The following MYT1L variants were observed in gnomAD, a reference collection of about 807,000 sequenced individuals.
The protein encoded by MYT1L is myelin transcription factor 1-like protein.
MYT1L carries 12 observed loss-of-function variants against 126.7 expected under a neutral mutation model. The observed-to-expected ratio is 0.09, with a 90% CI of 0.06 to 0.15. The LOEUF (loss-of-function observed/expected upper bound fraction) is 0.15, where lower values mean the gene tolerates loss of function less well. Ranked by LOEUF, MYT1L falls within the 10% of genes least tolerant of loss-of-function variation. The pLI, the probability that MYT1L is intolerant of heterozygous loss-of-function variation, is 1.00. For missense variants in MYT1L, 979 were observed against 1,585.2 expected, an observed-to-expected ratio of 0.62 and a Z score of 6.49; for synonymous variants, 541 against 604.2, an observed-to-expected ratio of 0.90 and a Z score of 1.53.
At chr2:2,270,587 GAAAAAATTACAGCCAATCCA>G (rs2095243490) in intron 2 of MYT1L, among the ~76,000 whole-genome samples, 1 of 151,890 alleles carries the variant, frequency 6.6e-6, no homozygotes, top group Non-Finnish European at 1.5e-5. Flanking sequence ...TCCGAGCAAT[GAAAAAATTACAGCCAATCCA>G]AGCAATGAAA....
intron 2 of MYT1L, among the ~76,000 whole-genome samples, chr2:2,186,517 T>C (rs1283096360): frequency 6.6e-6 from 1 of 152,246 alleles, no homozygotes; most frequent in Non-Finnish European, 1.5e-5. Flanking sequence ...GTTTTTAGCT[T>C]TGCCCCCATC....
intron 23 of MYT1L, among the ~76,000 whole-genome samples, chr2:1,794,124 G>C (rs372349805): frequency 3.0e-4 from 46 of 152,354 alleles, no homozygotes; most frequent in African/African-American, 1.1e-3. Context: ...CCAGCAGCAG[G>C]ATGGGCACCT....
intron 2 of MYT1L, among the ~76,000 whole-genome samples, chr2:2,205,296 A>T (rs989198388): frequency 1.4e-4 from 21 of 152,134 alleles, no homozygotes; most frequent in Non-Finnish European, 2.4e-4. Flanking sequence ...ATAATATACA[A>T]AAAAAGAAAA....
chr2:2,194,503 G>A (rs1184226589), intron 2 of MYT1L, among the ~76,000 whole-genome samples: 1 of 152,184 alleles, frequency 6.6e-6, no homozygotes, highest in East Asian at 1.9e-4. Context: ...GGAGAAAGGT[G>A]CGACATTCCT....
chr2:2,101,540 C>A (rs771403876), intron 3 of MYT1L, among the ~76,000 whole-genome samples: 23 of 152,108 alleles, frequency 1.5e-4, no homozygotes, highest in Non-Finnish European at 3.1e-4. Flanking sequence ...AACCCAGCCA[C>A]CCATCCATCA....
intron 2 of MYT1L, among the ~76,000 whole-genome samples, chr2:2,277,342 T>G (rs567244904): frequency 3.3e-5 from 5 of 152,242 alleles, no homozygotes; most frequent in Non-Finnish European, 7.3e-5. Context: ...GATGGTGATT[T>G]GCACAAAGCA....
At chr2:2,003,239 C>A (rs927778402) in intron 4 of MYT1L, among the ~76,000 whole-genome samples, 2 of 152,146 alleles carry the variant, frequency 1.3e-5, no homozygotes, top group African/African-American at 4.8e-5. Flanking sequence ...CTCAACACAG[C>A]CTCACACTTC....
chr2:2,135,076 G>T (rs956719799), intron 3 of MYT1L, among the ~76,000 whole-genome samples: 5 of 152,078 alleles, frequency 3.3e-5, no homozygotes, highest in Non-Finnish European at 7.4e-5. Context: ...TCCCTCACTG[G>T]TGCAGAATTT....
At chr2:2,054,777 C>T (rs2069280078) in intron 3 of MYT1L, among the ~76,000 whole-genome samples, 2 of 151,428 alleles carry the variant, frequency 1.3e-5, no homozygotes, top group Admixed American at 1.3e-4. Context: ...AAATGAGATG[C>T]ATGAAGATGA....
At chr2:2,308,844 C>T (rs2095903525) in intron 1 of MYT1L, among the ~76,000 whole-genome samples, 1 of 151,822 alleles carries the variant, frequency 6.6e-6, no homozygotes, top group Non-Finnish European at 1.5e-5. Flanking sequence ...TGCTTCAGTA[C>T]ATTCGACCTA....
chr2:2,212,126 T>G (rs556021730), intron 2 of MYT1L, among the ~76,000 whole-genome samples: 32 of 152,276 alleles, frequency 2.1e-4, no homozygotes, highest in South Asian at 4.1e-4. Context: ...TATGCGTATA[T>G]AAGCTTTATA....
intron 3 of MYT1L, among the ~76,000 whole-genome samples, chr2:2,079,013 T>A (rs987777393): frequency 2.0e-5 from 3 of 152,148 alleles, no homozygotes; most frequent in Non-Finnish European, 4.4e-5. Flanking sequence ...TTCCACCATG[T>A]AAGGATGCAG....
intron 4 of MYT1L, among the ~76,000 whole-genome samples, chr2:2,010,920 G>A (rs2063763517): frequency 6.6e-6 from 1 of 152,172 alleles, no homozygotes; most frequent in African/African-American, 2.4e-5. Context: ...AAAGGGGAGA[G>A]AATCATCTTT....
At chr2:1,796,489 C>T (rs1010160181) in intron 23 of MYT1L, among the ~76,000 whole-genome samples, 1 of 152,226 alleles carries the variant, frequency 6.6e-6, no homozygotes. Context: ...GTGGGATTAA[C>T]TGACCTGCCA....
chr2:2,235,374 G>GT (rs1424394066), intron 2 of MYT1L, among the ~76,000 whole-genome samples: 1 of 62,496 alleles, frequency 1.6e-5, no homozygotes, highest in Admixed American at 1.4e-4. Context: ...AGGGGTGTGT[G>GT]TAGAGGGGTG....
chr2:1,995,194 A>C (rs2061730779), intron 5 of MYT1L, among the ~76,000 whole-genome samples: 1 of 151,778 alleles, frequency 6.6e-6, no homozygotes, highest in Non-Finnish European at 1.5e-5. Context: ...GAACTATTCC[A>C]CAGGAATGTC....
At chr2:1,823,647 G>C (rs1254945926) in intron 21 of MYT1L, among the ~76,000 whole-genome samples, 13 of 150,150 alleles carry the variant, frequency 8.7e-5, no homozygotes, top group Middle Eastern at 3.2e-3. Flanking sequence ...GTGCTCCTGG[G>C]AGGAGCAGCG....
chr2:1,792,372 G>A lies in MYT1L; in HGVS notation c.3369C>T (p.Asn1123=). Residue 1123 remains asparagine (N), a synonymous_variant, in exon 24 of 25, where the codon AAC becomes AAT. Coordinates refer to ENST00000647738, the MANE Select transcript of MYT1L (RefSeq NM_001303052.2). ...QNESLLHELA[N]LSQSLIHSLA... ...GGCTGTGGATCAGAGACTGGCTCAGGTTCGCCAGCTCGTGGAGGAGAGACT... is the reference window on the plus strand; with the variant it reads ...GGCTGTGGATCAGAGACTGGCTCAGATTCGCCAGCTCGTGGAGGAGAGACT... The A allele has an allele frequency of 1.2e-6, 2 of 1,610,488 alleles. No individual in the cohort carries two copies. Among genetic ancestry groups the A allele is most frequent in the South Asian group, 1.1e-5 (1 of 90,214 alleles).
Position 1,910,139 on chromosome 2 carries a change from C to T in MYT1L, c.1817+101G>A. ...CAGCCCCGCCCTCCAGTCCCTGCCC[C>T]TGCTGCTGTAGGGACATGCCCTGAG... On this transcript the variant is annotated intron_variant, in intron 13 of 24. Transcript: ENST00000647738. The surrounding 1 kb of genome is among the most constrained non-coding windows in gnomAD (Gnocchi z 4.8). 1 of 1,092,980 alleles carries T rather than the reference C, an allele frequency of 9.1e-7. No individual in the cohort carries two copies. The highest frequency in any genetic ancestry group is 1.3e-6 in the Non-Finnish European group (1 of 748,310). 67.7% of individuals were successfully genotyped at this position (1,092,980 alleles called of 1,614,324 possible).
Sources: allele counts gnomAD v4.1 joint callset (sites outside exome capture counted in the v4.1 genomes callset), GRCh38; gene constraint gnomAD v4.1.1; non-coding constraint Gnocchi (gnomAD v3.1); transcripts MANE v1.5; gene names NCBI Gene and HGNC (gene_info 2026-07-23, HGNC 2026-07-21).